MED16: variants seen among roughly 807,000 people sequenced by gnomAD.
MED16 encodes mediator complex subunit 16, also known as mediator of RNA polymerase II transcription subunit 16.
MED16 carries 81 observed loss-of-function variants against 84.4 expected under a neutral mutation model. The observed-to-expected ratio is 0.96, with a 90% CI of 0.80 to 1.15. MED16 has a LOEUF of 1.15. MED16 is among the 50% of genes most tolerant of loss of function. The pLI is 0.00. For synonymous variants in MED16, 897 were observed against 552.2 expected (o/e 1.62, Z -8.76); for missense variants, 1,585 against 1,245.9 (o/e 1.27, Z -4.10).
intron 5 of MED16, 78 bp from the exon 6 acceptor site, chr19:885,086 A>C: frequency 8.9e-7 from 1 of 1,125,802 alleles, no homozygotes; most frequent in Non-Finnish European, 1.3e-6. Context: ...GAGCTGCGGG[A>C]CCCTGGGGCC....
At chr19:880,170 T>C in intron 7 of MED16, 22 bp from the exon 8 acceptor site, 1 of 1,597,722 alleles carries the variant, frequency 6.3e-7, no homozygotes, top group Middle Eastern at 2.2e-4. Context: ...AGGCACTGCT[T>C]AGACATGGGC....
intron 7 of MED16, among the ~76,000 whole-genome samples, chr19:880,750 G>A (rs772583519): frequency 3.3e-5 from 5 of 151,968 alleles, no homozygotes; most frequent in Admixed American, 6.6e-5. Context: ...GTGAAACCCC[G>A]TCTCTACTAA....
intron 4 of MED16, 46 bp from the exon 5 acceptor site, chr19:886,247 G>C: frequency 1.4e-6 from 2 of 1,455,124 alleles, no homozygotes; most frequent in Non-Finnish European, 9.1e-7. Context: ...AGGCTCATGG[G>C]GGCTGCCCCA....
intron 4 of MED16, among the ~76,000 whole-genome samples, chr19:887,205 T>C (rs927505310): frequency 6.6e-6 from 1 of 152,050 alleles, no homozygotes; most frequent in Non-Finnish European, 1.5e-5. Flanking sequence ...ACACTTCTTA[T>C]AGCAAGAAGC....
At chr19:870,788 G>A (rs1398903967) in intron 13 of MED16, among the ~76,000 whole-genome samples, 1 of 150,030 alleles carries the variant, frequency 6.7e-6, no homozygotes, top group Non-Finnish European at 1.5e-5. Context: ...GTGGATTCGG[G>A]GGGACCCGGG....
chr19:885,008 C>A lies in MED16; in HGVS notation c.880G>T (p.Val294Leu). The part of the protein sequence containing the change: ...KFLARDMSEQ[V>L]LLCASSQTSS... ...GTCTGGCTGGACGCGCACAAAAGCA[C>A]CTGCGGGGGAGGTGGGGGTGAGGGC... The change falls in exon 6 of 16, where the codon GTG (valine) becomes TTG (leucine). Residue 294 changes from valine (V) to leucine (L), a missense_variant and splice_region_variant. Physicochemically the swap from Val to Leu is conservative, Grantham distance 32. Transcript: ENST00000325464. The A allele has an allele frequency of 6.3e-7, 1 of 1,594,808 alleles. No homozygotes were observed.
intron 12 of MED16, 53 bp from the exon 13 acceptor site, chr19:871,306 G>GCCACCC (rs1488490886): frequency 8.1e-6 from 12 of 1,487,082 alleles, no homozygotes; most frequent in South Asian, 2.6e-5. Flanking sequence ...GCACCGCCCG[G>GCCACCC]CCACCCGGGA....
Position 871,021 on chromosome 19 carries a change from G to A in MED16, c.2315+16C>T, listed in dbSNP as rs963384721. ...AGGAGTCCTGTGTTTGGGGACCAAT[G>A]CAGGGACACACGCACCTGGCGAGGC... On this transcript the variant is annotated intron_variant, in intron 13 of 15. Coordinates refer to ENST00000325464, the MANE Select transcript of MED16 (RefSeq NM_005481.3). 6.3e-5 allele frequency: 97 copies of A among 1,534,208 alleles called. No individual in the cohort carries two copies. The highest frequency in any genetic ancestry group is 7.8e-5 in the Non-Finnish European group (89 of 1,136,096).
At chr19:874,320 G>A (rs189671514) in intron 10 of MED16, among the ~76,000 whole-genome samples, 21 of 152,258 alleles carry the variant, frequency 1.4e-4, no homozygotes, top group African/African-American at 4.1e-4. Context: ...CACCGTGTTA[G>A]CCAGGATGAT....
rs754670155 is a variant in MED16 at position 875,284 on chromosome 19, G to A, written c.1731C>T (p.Gly577=). Residue 577 remains glycine, a synonymous_variant, in exon 10 of 16, where the codon GGC becomes GGT. Coordinates refer to ENST00000325464, the MANE Select transcript of MED16 (RefSeq NM_005481.3). ...TGGTGCAGATCTCGGTCAGCCGGTCGCCGGGGCTCTTGTCAGGCGTGTTGA... is the reference window on the plus strand; with the variant it reads ...TGGTGCAGATCTCGGTCAGCCGGTCACCGGGGCTCTTGTCAGGCGTGTTGA... ...HFLNTPDKSP[G]DRLTEICTKI... The A allele has an allele frequency of 1.1e-5, 17 of 1,531,304 alleles. No homozygotes were observed. The highest frequency in any genetic ancestry group is 5.9e-5 in the South Asian group (5 of 84,440). The allele number at this position is 1,531,304 out of a possible 1,614,324, so 94.9% of individuals were successfully genotyped here. A position where few individuals can be genotyped will look rare whatever the true frequency, so the allele number is the denominator to read the frequency against.
chr19:871,568 T>A, intron 12 of MED16: 1 of 1,594,202 alleles, frequency 6.3e-7, no homozygotes. Flanking sequence ...CCTCCTCACA[T>A]ACACACAACC....
rs556406436 is a variant in MED16 at position 881,724 on chromosome 19, C to T, written c.986-10G>A. The T allele has an allele frequency of 1.9e-6, 3 of 1,607,692 alleles. No homozygotes were observed. Among genetic ancestry groups the T allele is most frequent in the South Asian group, 1.1e-5 (1 of 90,800 alleles). On this transcript the variant is annotated splice_polypyrimidine_tract_variant and intron_variant, in intron 6 of 15. Coordinates refer to ENST00000325464, the MANE Select transcript of MED16 (RefSeq NM_005481.3). ...GGCTGTTTGTCGCCAACTGAAAAAT[C>T]AGGGGCAGGAAAACAGGAAGGCAAT...
intron 13 of MED16, among the ~76,000 whole-genome samples, chr19:869,347 G>A (rs2035992827): frequency 6.7e-6 from 1 of 149,056 alleles, no homozygotes; most frequent in Non-Finnish European, 1.5e-5. Flanking sequence ...CCTCTGCCCA[G>A]ACACCCGGCC....
chr19:885,878 C>T lies in MED16; in HGVS notation c.771G>A (p.Thr257=), dbSNP rs142620365. 68 of 1,613,776 alleles carry T rather than the reference C, an allele frequency of 4.2e-5. No homozygotes were observed. In the African/African-American group the frequency reaches 5.9e-4, roughly 14 times the overall value. ...GCATGAACAGGGAGGGCAGGATCTCCGTGTCGATACGGCACTTCTCGCTCA... is the reference window on the plus strand; with the variant it reads ...GCATGAACAGGGAGGGCAGGATCTCTGTGTCGATACGGCACTTCTCGCTCA... The part of the protein sequence containing the change: ...SVVSEKCRID[T]EILPSLFMRC... The change falls in exon 5 of 16, where the codon ACG becomes ACA. Residue 257 remains threonine (T), a synonymous_variant. Transcript: ENST00000325464.
At chr19:885,108 G>A (rs929952555) in intron 5 of MED16, 100 bp from the exon 6 acceptor site, 16 of 876,760 alleles carry the variant, frequency 1.8e-5, no homozygotes, top group African/African-American at 3.3e-5. Context: ...CGCACTGCTG[G>A]GCCTGTCTCT....
At position 868,076 on chromosome 19, in the gene MED16, C is replaced by G; in HGVS notation, c.*25G>C. On this transcript the variant is annotated 3_prime_UTR_variant, in exon 16 of 16. Coordinates refer to ENST00000325464, the MANE Select transcript of MED16 (RefSeq NM_005481.3). ...AGGAGACGCCCGAGCCGGGTCACCA[C>G]AAGGTCCGCCTGGACCCCCGGCCGT... 6.3e-7 allele frequency: 1 copy of G among 1,585,206 alleles called. No individual in the cohort carries two copies. Among genetic ancestry groups the G allele is most frequent in the Non-Finnish European group, 8.5e-7 (1 of 1,170,228 alleles).
intron 9 of MED16, among the ~76,000 whole-genome samples, chr19:875,996 G>A (rs745794708): frequency 9.9e-5 from 15 of 152,196 alleles, no homozygotes; most frequent in Non-Finnish European, 1.8e-4. Context: ...GGCACACAGC[G>A]ACGGCCCAAG....
chr19:885,108 GGCCTGTCTCTTCAGCCAC>G, intron 5 of MED16, 100 bp from the exon 6 acceptor site: 1 of 876,878 alleles, frequency 1.1e-6, no homozygotes, highest in Non-Finnish European at 1.8e-6. Flanking sequence ...CGCACTGCTG[GGCCTGTCTCTTCAGCCAC>G]GCCTGCCCCT....
At position 881,623 on chromosome 19, in the gene MED16, C is replaced by T; in HGVS notation, c.1077G>A (p.Leu359=). The change falls in exon 7 of 16, where the codon CTG becomes CTA. Residue 359 remains leucine (L), a synonymous_variant. Coordinates refer to ENST00000325464, the MANE Select transcript of MED16 (RefSeq NM_005481.3). ...DRVSAVALPK[L]PISLTNTDLK... Reference sequence around the variant, plus strand: ...GGTCGGTGTTGGTGAGCGAGATGGGCAGCTTGGGCAGCGCCACGGCCGACA... The same window carrying T: ...GGTCGGTGTTGGTGAGCGAGATGGGTAGCTTGGGCAGCGCCACGGCCGACA... 2 of 1,612,736 alleles carry T rather than the reference C, an allele frequency of 1.2e-6. No homozygotes were observed. Among genetic ancestry groups the T allele is most frequent in the Non-Finnish European group, 1.7e-6 (2 of 1,179,930 alleles).
Sources: allele counts gnomAD v4.1 joint callset (sites outside exome capture counted in the v4.1 genomes callset), GRCh38; gene constraint gnomAD v4.1.1; transcripts MANE v1.5; gene names NCBI Gene and HGNC (gene_info 2026-07-23, HGNC 2026-07-21).